Variants in CLPB observed in about 807,000 individuals in gnomAD.
The protein encoded by CLPB is mitochondrial disaggregase.
A neutral mutation model predicts 78.4 loss-of-function variants in CLPB; 40 were observed. That is an observed-to-expected ratio of 0.51 (90% confidence interval 0.40 to 0.66). The LOEUF is 0.66. CLPB is among the 30% of genes least tolerant of loss of function. The pLI is 0.00. For missense variants in CLPB, 780 were observed against 886.9 expected (o/e 0.88, Z 1.53); for synonymous variants, 333 against 348.0 (o/e 0.96, Z 0.48).
At chr11:72,307,066 G>T in intron 9 of CLPB, 133 bp downstream of exon 9, 1 of 735,756 alleles carries the variant, frequency 1.4e-6, no homozygotes. Flanking sequence ...GGCCAGAGCT[G>T]AGGTCTGCTT....
chr11:72,362,660 A>G (rs1950861910), intron 4 of CLPB, among the ~76,000 whole-genome samples: 1 of 152,198 alleles, frequency 6.6e-6, no homozygotes, highest in Non-Finnish European at 1.5e-5. Context: ...AGGTAATAAC[A>G]GTAACGCCTT....
intron 4 of CLPB, among the ~76,000 whole-genome samples, chr11:72,376,370 C>T (rs1045665372): frequency 2.6e-5 from 4 of 152,066 alleles, no homozygotes; most frequent in South Asian, 2.1e-4. Flanking sequence ...ATGGTTAAGA[C>T]GAAGCTAAAG....
chr11:72,319,415 A>C (rs1950005433), intron 6 of CLPB, among the ~76,000 whole-genome samples: 1 of 152,224 alleles, frequency 6.6e-6, no homozygotes, highest in Non-Finnish European at 1.5e-5. Flanking sequence ...GCTGTATGCC[A>C]GGCACTGTAC....
intron 4 of CLPB, among the ~76,000 whole-genome samples, chr11:72,364,487 G>A (rs536493502): frequency 6.4e-4 from 98 of 151,966 alleles, no homozygotes; most frequent in Non-Finnish European, 9.1e-4. Flanking sequence ...GATTACAGGT[G>A]TGAGTCACTG....
At position 72,327,126 on chromosome 11, in the gene CLPB, C is replaced by G. The variant is rs147552849; in HGVS notation, c.873+2581G>C. Reference sequence around the variant, plus strand: ...AATCCCTGGACTGGCTCCAAGTGGTCTTCTTAGCCTCTAAGGCAGCCCCTC... The same window carrying G: ...AATCCCTGGACTGGCTCCAAGTGGTGTTCTTAGCCTCTAAGGCAGCCCCTC... On this transcript the variant is annotated intron_variant, in intron 6 of 15. Transcript: ENST00000538039. Among the ~76,000 whole-genome samples, 103 of 152,332 alleles carry G rather than the reference C, an allele frequency of 6.8e-4. 1 individual carries two copies. The highest frequency in any genetic ancestry group is 6.4e-3 in the East Asian group (33 of 5,186).
At chr11:72,339,321 T>C (rs1356019032) in intron 5 of CLPB, among the ~76,000 whole-genome samples, 3 of 152,156 alleles carry the variant, frequency 2.0e-5, no homozygotes, top group South Asian at 4.2e-4. Flanking sequence ...CTGAGAAAAA[T>C]AGTTTAAGGA....
chr11:72,320,261 GAC>G (rs1223368704), intron 6 of CLPB, among the ~76,000 whole-genome samples: 1 of 152,194 alleles, frequency 6.6e-6, no homozygotes, highest in Non-Finnish European at 1.5e-5. Flanking sequence ...ATTTGGGTAT[GAC>G]CAGTGTGGCC....
intron 2 of CLPB, among the ~76,000 whole-genome samples, chr11:72,422,538 T>C (rs747174133): frequency 3.3e-5 from 5 of 152,260 alleles, no homozygotes; most frequent in African/African-American, 9.6e-5. Context: ...AACTGTGTGA[T>C]GATCTTCAGA....
intron 13 of CLPB, 52 bp downstream of exon 13, chr11:72,294,568 A>T: frequency 6.2e-7 from 1 of 1,605,066 alleles, no homozygotes. Flanking sequence ...GGCTAAGATC[A>T]CCCTCCCCCA....
At chr11:72,337,945 C>G (rs1192497137) in intron 5 of CLPB, among the ~76,000 whole-genome samples, 1 of 152,162 alleles carries the variant, frequency 6.6e-6, no homozygotes, top group African/African-American at 2.4e-5. Flanking sequence ...TAAGTAACCT[C>G]TCAGAAGGTC....
chr11:72,380,960 G>A lies in CLPB; in HGVS notation c.543-576C>T, dbSNP rs184343679. 1.4e-3 allele frequency among the ~76,000 whole-genome samples: 217 copies of A among 152,312 alleles called. 1 individual carries two copies. Among genetic ancestry groups the A allele is most frequent in the Non-Finnish European group, 2.7e-3 (181 of 68,018 alleles). ...GAAACGTGCAGCAGACCAAGAAACAGGATCAAGAAAGCCCTTACGGCATCA... is the reference window on the plus strand; with the variant it reads ...GAAACGTGCAGCAGACCAAGAAACAAGATCAAGAAAGCCCTTACGGCATCA... On this transcript the variant is annotated intron_variant, in intron 3 of 15. Transcript: ENST00000538039.
At chr11:72,409,845 C>T (rs1408059030) in intron 2 of CLPB, among the ~76,000 whole-genome samples, 2 of 151,990 alleles carry the variant, frequency 1.3e-5, no homozygotes, top group Non-Finnish European at 2.9e-5. Context: ...GGCGTGGTGG[C>T]GCACGCCTGT....
chr11:72,299,744 G>A (rs963742677), intron 11 of CLPB, among the ~76,000 whole-genome samples: 6 of 152,194 alleles, frequency 3.9e-5, no homozygotes, highest in Non-Finnish European at 5.9e-5. Context: ...CCTAAATCGA[G>A]TAAACCTGGA....
At chr11:72,342,557 GCA>G (rs1456332794) in intron 5 of CLPB, among the ~76,000 whole-genome samples, 1 of 152,154 alleles carries the variant, frequency 6.6e-6, no homozygotes, top group African/African-American at 2.4e-5. Flanking sequence ...CCACAGTATA[GCA>G]CAGACTCTCC....
intron 4 of CLPB, among the ~76,000 whole-genome samples, chr11:72,378,276 T>C (rs1243134658): frequency 1.3e-5 from 2 of 152,240 alleles, no homozygotes; most frequent in Non-Finnish European, 2.9e-5. Flanking sequence ...AGCACCTGTA[T>C]TAGTTCGTTT....
intron 2 of CLPB, among the ~76,000 whole-genome samples, chr11:72,406,797 A>G (rs977780777): frequency 6.6e-6 from 1 of 152,200 alleles, no homozygotes; most frequent in Non-Finnish European, 1.5e-5. Context: ...GAGGAGACAG[A>G]GAGAGAGGTT....
chr11:72,399,000 C>A (rs1299740026), intron 3 of CLPB, among the ~76,000 whole-genome samples: 1 of 151,896 alleles, frequency 6.6e-6, no homozygotes, highest in Non-Finnish European at 1.5e-5. Flanking sequence ...CACATTAGCA[C>A]CTGACACCAC....
At position 72,302,334 on chromosome 11, in the gene CLPB, C is replaced by T. The variant is rs267603176; in HGVS notation, c.1137G>A (p.Leu379=). The T allele has an allele frequency of 1.9e-6, 3 of 1,614,028 alleles. No homozygotes were observed. The highest frequency in any genetic ancestry group is 1.7e-5 in the Admixed American group (1 of 59,998). Residue 379 remains leucine, a synonymous_variant, in exon 10 of 16, where the codon CTG becomes CTA. Coordinates refer to ENST00000538039, the MANE Select transcript of CLPB (RefSeq NM_001258392.3). ...GTCGCTCCTGGAACTCGGACATGTC[C>T]AGCCTGATGAAGCCCTGTGTGGAAA... is the stretch of plus-strand genomic sequence containing the variant. ...HKDAKKGFIR[L]DMSEFQERHE...
chr11:72,388,883 G>C (rs1225933499), intron 3 of CLPB, among the ~76,000 whole-genome samples: 1 of 152,164 alleles, frequency 6.6e-6, no homozygotes, highest in African/African-American at 2.4e-5. Context: ...AGGCTAGCCA[G>C]GTTAGAGAAA....
Sources: allele counts gnomAD v4.1 joint callset (sites outside exome capture counted in the v4.1 genomes callset), GRCh38; gene constraint gnomAD v4.1.1; transcripts MANE v1.5; gene names NCBI Gene and HGNC (gene_info 2026-07-23, HGNC 2026-07-21).